MATN2: variants seen among roughly 807,000 people sequenced by gnomAD.
MATN2 encodes matrilin 2.
MATN2 carries 69 observed loss-of-function variants against 103.2 expected under a neutral mutation model. That is an observed-to-expected ratio of 0.67 (90% CI 0.55 to 0.82). The LOEUF (loss-of-function observed/expected upper bound fraction) is 0.82. Ranked by LOEUF, MATN2 falls within the 40% of genes least tolerant of loss-of-function variation. MATN2 has a pLI of 0.00. For synonymous variants in MATN2, 429 were observed against 450.2 expected, an observed-to-expected ratio of 0.95 and a Z score of 0.60; for missense variants, 1,023 against 1,211.5, an observed-to-expected ratio of 0.84 and a Z score of 2.31.
chr8:98,026,765 AAT>A (rs1813822453), intron 13 of MATN2, among the ~76,000 whole-genome samples: 2 of 152,200 alleles, frequency 1.3e-5, no homozygotes, highest in Non-Finnish European at 2.9e-5. Flanking sequence ...ATCATTAAAT[AAT>A]TATTGTACAA....
chr8:97,902,332 C>G (rs1172858654), intron 2 of MATN2, among the ~76,000 whole-genome samples: 1 of 151,286 alleles, frequency 6.6e-6, no homozygotes, highest in Non-Finnish European at 1.5e-5. Context: ...CCCGTCTCTA[C>G]TAAAAATACA....
intron 4 of MATN2, among the ~76,000 whole-genome samples, chr8:97,943,264 C>T (rs1345817931): frequency 1.3e-5 from 2 of 152,128 alleles, no homozygotes; most frequent in South Asian, 2.1e-4. Flanking sequence ...AGGTGTTCTA[C>T]CTCCCCACAA....
At chr8:97,962,060 C>G (rs1443812928) in intron 5 of MATN2, among the ~76,000 whole-genome samples, 1 of 152,172 alleles carries the variant, frequency 6.6e-6, no homozygotes, top group African/African-American at 2.4e-5. Context: ...AGCCTCAAAC[C>G]CTCAAACACA....
intron 2 of MATN2, among the ~76,000 whole-genome samples, chr8:97,921,574 A>C (rs35725707): frequency 0.33 from 49,880 of 152,034 alleles, 8,962 homozygotes; most frequent in Admixed American, 0.39. Flanking sequence ...GTGGTAAAAA[A>C]AAAACAAATA....
chr8:97,994,930 G>A (rs10090458), intron 7 of MATN2, among the ~76,000 whole-genome samples: 22,452 of 152,154 alleles, frequency 0.15, 1,872 homozygotes, highest in Admixed American at 0.22. Flanking sequence ...GCCCAGAGAT[G>A]AGAGGTAGAA....
At chr8:97,898,407 C>A (rs567962839) in intron 2 of MATN2, among the ~76,000 whole-genome samples, 10 of 152,114 alleles carry the variant, frequency 6.6e-5, no homozygotes, top group Admixed American at 1.3e-4. Context: ...ACCAGCCTGG[C>A]CAACATGGTG....
intron 5 of MATN2, among the ~76,000 whole-genome samples, chr8:97,963,932 A>G (rs757717104): frequency 2.0e-5 from 3 of 152,188 alleles, no homozygotes; most frequent in African/African-American, 4.8e-5. Flanking sequence ...TTGCTGCTCA[A>G]TAGGGCTATG....
rs186725358 is a variant in MATN2 at position 97,966,166 on chromosome 8, A to T, written c.958+4636A>T. Among the ~76,000 whole-genome samples the T allele has an allele frequency of 5.7e-3, 874 of 152,178 alleles. 29 individuals carry two copies. The highest frequency in any genetic ancestry group is 0.051 in the Admixed American group (784 of 15,282). On this transcript the variant is annotated intron_variant, in intron 5 of 18. Transcript: ENST00000254898. ...CAGCAAGACCTTGTCTCAAAAAAAA[A>T]ATAAATGAATAAAATTGAAAAAGAC...
At chr8:97,916,887 C>G (rs1809649390) in intron 2 of MATN2, among the ~76,000 whole-genome samples, 1 of 152,208 alleles carries the variant, frequency 6.6e-6, no homozygotes. Context: ...TTTCTTTCAG[C>G]TCATGCAACA....
At chr8:97,902,461 C>T (rs552742812) in intron 2 of MATN2, among the ~76,000 whole-genome samples, 27 of 148,026 alleles carry the variant, frequency 1.8e-4, no homozygotes, top group Non-Finnish European at 3.4e-4. Context: ...CGCACCATTG[C>T]ACTCCAGCCC....
chr8:97,989,062 A>G (rs1161734969), intron 6 of MATN2, among the ~76,000 whole-genome samples: 3 of 152,262 alleles, frequency 2.0e-5, no homozygotes, highest in African/African-American at 7.2e-5. Flanking sequence ...AATGTAATTC[A>G]TAATATTAAC....
intron 2 of MATN2, among the ~76,000 whole-genome samples, chr8:97,891,693 C>T (rs1246833696): frequency 5.3e-5 from 8 of 152,142 alleles, no homozygotes; most frequent in African/African-American, 1.9e-4. Context: ...ATCCTGAGGA[C>T]AATCAAGGGA....
chr8:97,929,769 A>G (rs1044709940), intron 2 of MATN2, among the ~76,000 whole-genome samples: 1 of 152,136 alleles, frequency 6.6e-6, no homozygotes, highest in African/African-American at 2.4e-5. Context: ...CCCCCTCTCA[A>G]TGAGATTAGT....
At chr8:98,033,758 C>A (rs770161809) in intron 18 of MATN2, 99 bp downstream of exon 18, 2 of 821,460 alleles carry the variant, frequency 2.4e-6, no homozygotes, top group East Asian at 2.7e-5. Flanking sequence ...GTAAATCCCA[C>A]GAAGTCACAA....
chr8:97,981,021 T>C (rs77809273), intron 6 of MATN2, among the ~76,000 whole-genome samples: 3 of 121,428 alleles, frequency 2.5e-5, no homozygotes, highest in African/African-American at 7.9e-5. Context: ...ACAAAAACTG[T>C]TTTTTTTTTA....
chr8:97,935,693 G>T (rs1414170150), intron 3 of MATN2, among the ~76,000 whole-genome samples: 1 of 152,128 alleles, frequency 6.6e-6, no homozygotes, highest in Non-Finnish European at 1.5e-5. Flanking sequence ...TTACTATGTT[G>T]CCTAGGCTGG....
Position 97,888,250 on chromosome 8 carries a change from G to C in MATN2, c.142+8G>C. 6.5e-7 allele frequency: 1 copy of C among 1,537,862 alleles called. No individual in the cohort carries two copies. Among genetic ancestry groups the C allele is most frequent in the South Asian group, 1.2e-5 (1 of 81,342 alleles). Reference sequence around the variant, plus strand: ...CGCAGACGGCCCTTCTGGGTGAGTGGTGGTGCTCACCCCCAAAAGTGGGCA... The same window carrying C: ...CGCAGACGGCCCTTCTGGGTGAGTGCTGGTGCTCACCCCCAAAAGTGGGCA... On this transcript the variant is annotated splice_region_variant and intron_variant, in intron 2 of 18. Transcript: ENST00000254898.
intron 7 of MATN2, among the ~76,000 whole-genome samples, chr8:97,999,706 G>A (rs144472116): frequency 3.9e-4 from 60 of 152,130 alleles, no homozygotes; most frequent in African/African-American, 1.4e-3. Flanking sequence ...GAGTGCCAAG[G>A]GTCAGTGACA....
intron 8 of MATN2, among the ~76,000 whole-genome samples, chr8:98,006,635 T>C (rs1460551655): frequency 6.6e-6 from 1 of 152,204 alleles, no homozygotes; most frequent in Admixed American, 6.5e-5. Context: ...CTCACTTTCC[T>C]CTCTGTGAAA....
Sources: allele counts gnomAD v4.1 joint callset (sites outside exome capture counted in the v4.1 genomes callset), GRCh38; gene constraint gnomAD v4.1.1; transcripts MANE v1.5; gene names NCBI Gene and HGNC (gene_info 2026-07-23, HGNC 2026-07-21).